The following SPIDR variants were observed in gnomAD, a reference collection of about 807,000 sequenced individuals.
SPIDR encodes the protein scaffold protein involved in DNA repair, also known as DNA repair-scaffolding protein.
In SPIDR, 93 loss-of-function variants were observed where a neutral mutation model predicts 104.6. That is an observed-to-expected ratio of 0.89 (90% CI 0.75 to 1.06). The LOEUF is 1.06. Ranked by LOEUF, SPIDR falls within the 50% of genes least tolerant of loss-of-function variation. The pLI is 0.00. For synonymous variants in SPIDR, 431 were observed against 416.9 expected (o/e 1.03, Z -0.41); for missense variants, 1,154 against 1,111.2 (o/e 1.04, Z -0.55).
At chr8:47,360,882 T>C in intron 5 of SPIDR, 1 of 985,478 alleles carries the variant, frequency 1.0e-6, no homozygotes, top group Non-Finnish European at 1.2e-6. Flanking sequence ...CCACAGACAC[T>C]GCTTTGGTGC....
intron 10 of SPIDR, among the ~76,000 whole-genome samples, chr8:47,622,927 G>C (rs2065378547): frequency 1.3e-5 from 2 of 152,088 alleles, no homozygotes; most frequent in Non-Finnish European, 2.9e-5. Flanking sequence ...AAACACTTGT[G>C]AGTGCCAGGA....
In SPIDR at chr8:47,407,945, C is replaced by G. The variant is rs1170550382; in HGVS notation, c.861C>G (p.Tyr287Ter). Residue 287 changes from tyrosine (Y) to a stop codon, truncating the protein, a stop_gained, in exon 7 of 20, where the codon TAC becomes TAG. Coordinates refer to ENST00000297423, the MANE Select transcript of SPIDR (RefSeq NM_001080394.4). LOFTEE classifies it high-confidence loss of function. The stretch of plus-strand genomic sequence containing the variant: ...TGTGGAGACATCAATGTATTTCTTA[C>G]CAAAAGACACTTTCAGGTAAGGCTT... ...ISLWRHQCIS[Y>*]QKTLSGRKSG... 3 of 1,580,700 alleles carry G rather than the reference C, an allele frequency of 1.9e-6. No homozygotes were observed. Among genetic ancestry groups the G allele is most frequent in the Non-Finnish European group, 2.6e-6 (3 of 1,159,044 alleles).
At chr8:47,447,245 GCT>G (rs2070824813) in intron 8 of SPIDR, among the ~76,000 whole-genome samples, 1 of 152,120 alleles carries the variant, frequency 6.6e-6, no homozygotes, top group Non-Finnish European at 1.5e-5. Flanking sequence ...ACAGAGTCTT[GCT>G]CTGTCAGCCA....
At chr8:47,710,035 A>C (rs1374323924) in intron 14 of SPIDR, among the ~76,000 whole-genome samples, 1 of 151,678 alleles carries the variant, frequency 6.6e-6, no homozygotes, top group Non-Finnish European at 1.5e-5. Flanking sequence ...GCACCATCAC[A>C]CCTAGCTAAT....
At chr8:47,712,097 CA>C (rs1478574456) in intron 14 of SPIDR, among the ~76,000 whole-genome samples, 1 of 151,958 alleles carries the variant, frequency 6.6e-6, no homozygotes, top group African/African-American at 2.4e-5. Flanking sequence ...GGCAGAATAC[CA>C]GTCTAATGGA....
intron 8 of SPIDR, among the ~76,000 whole-genome samples, chr8:47,462,298 C>T (rs2074076332): frequency 6.6e-6 from 1 of 152,148 alleles, no homozygotes; most frequent in Admixed American, 6.5e-5. Context: ...ACGATACCAA[C>T]ACAGTATTTA....
intron 5 of SPIDR, among the ~76,000 whole-genome samples, chr8:47,321,134 G>A (rs1029620312): frequency 4.6e-5 from 7 of 152,122 alleles, no homozygotes; most frequent in Non-Finnish European, 8.8e-5. Flanking sequence ...TATTCAATTA[G>A]GAAAAGAGGA....
intron 8 of SPIDR, among the ~76,000 whole-genome samples, chr8:47,475,265 C>G (rs1218922228): frequency 6.6e-6 from 1 of 152,216 alleles, no homozygotes; most frequent in African/African-American, 2.4e-5. Context: ...GTTAGCACAC[C>G]CTGCCCTCAA....
chr8:47,533,527 A>G (rs1207459777), intron 8 of SPIDR, among the ~76,000 whole-genome samples: 2 of 152,220 alleles, frequency 1.3e-5, no homozygotes, highest in Admixed American at 6.5e-5. Context: ...TGCATCTGAC[A>G]AAGGTCTAAT....
intron 8 of SPIDR, among the ~76,000 whole-genome samples, chr8:47,555,955 TA>T (rs2154399394): frequency 6.6e-6 from 1 of 152,312 alleles, no homozygotes; most frequent in Non-Finnish European, 1.5e-5. Flanking sequence ...GGGAACTAAA[TA>T]AAATAATAGA....
At chr8:47,511,838 C>T in intron 8 of SPIDR, 1 of 880,374 alleles carries the variant, frequency 1.1e-6, no homozygotes, top group Non-Finnish European at 2.0e-6. Flanking sequence ...ATCTGCTGTC[C>T]ACTTCTCTCT....
chr8:47,419,459 G>T (rs1367778933), intron 7 of SPIDR, among the ~76,000 whole-genome samples: 3 of 152,248 alleles, frequency 2.0e-5, no homozygotes, highest in African/African-American at 7.2e-5. Flanking sequence ...GGGATCGGTG[G>T]TGATATCCCC....
intron 7 of SPIDR, among the ~76,000 whole-genome samples, chr8:47,421,504 C>T (rs957818231): frequency 6.6e-6 from 1 of 152,124 alleles, no homozygotes; most frequent in Admixed American, 6.5e-5. Flanking sequence ...TCTAGTTAGC[C>T]ATTCGTCTAA....
intron 6 of SPIDR, among the ~76,000 whole-genome samples, chr8:47,403,251 C>T (rs1169819301): frequency 2.6e-5 from 4 of 152,174 alleles, no homozygotes; most frequent in African/African-American, 9.7e-5. Context: ...CAATATCATA[C>T]TGAATGAGCA....
chr8:47,565,080 T>G (rs1053874359), intron 8 of SPIDR, among the ~76,000 whole-genome samples: 3 of 151,978 alleles, frequency 2.0e-5, no homozygotes, highest in Non-Finnish European at 4.4e-5. Context: ...AACCCCATCT[T>G]TACTAAAAAT....
intron 7 of SPIDR, among the ~76,000 whole-genome samples, chr8:47,420,081 T>G (rs1208643397): frequency 6.6e-6 from 1 of 152,182 alleles, no homozygotes; most frequent in East Asian, 1.9e-4. Flanking sequence ...CTGAGAAGAA[T>G]GTATATTCTG....
intron 8 of SPIDR, among the ~76,000 whole-genome samples, chr8:47,588,764 T>A (rs1389028800): frequency 2.0e-5 from 3 of 152,202 alleles, no homozygotes; most frequent in Non-Finnish European, 2.9e-5. Context: ...AGAGGTTTTT[T>A]AAAATTATTA....
At chr8:47,398,491 G>C (rs1170879580) in intron 6 of SPIDR, among the ~76,000 whole-genome samples, 1 of 152,192 alleles carries the variant, frequency 6.6e-6, no homozygotes, top group African/African-American at 2.4e-5. Context: ...GGACATTTCA[G>C]TTTGAAACAG....
intron 14 of SPIDR, among the ~76,000 whole-genome samples, chr8:47,706,348 A>G (rs1589378680): frequency 6.6e-6 from 1 of 151,830 alleles, no homozygotes; most frequent in African/African-American, 2.4e-5. Flanking sequence ...AGCCAAGACC[A>G]CGCCACTGCA....
Sources: gnomAD v4.1 joint callset for allele counts (sites outside exome capture counted in the v4.1 genomes callset) on GRCh38, gnomAD v4.1.1 for gene constraint, MANE v1.5 for transcripts, NCBI Gene and HGNC (gene_info 2026-07-23, HGNC 2026-07-21) for gene names.